Variants in METTL17 observed in about 807,000 individuals in gnomAD.
The protein encoded by METTL17 is methyltransferase like 17.
A neutral mutation model predicts 59.4 loss-of-function variants in METTL17; 49 were observed. That is an observed-to-expected ratio of 0.82 (90% CI 0.66 to 1.05). The LOEUF is 1.05. Ranked by LOEUF, METTL17 falls within the 50% of genes least tolerant of loss-of-function variation. The pLI, the probability that METTL17 is intolerant of heterozygous loss-of-function variation, is 0.00. For missense variants in METTL17, 555 were observed against 578.4 expected (o/e 0.96, Z 0.41); for synonymous variants, 208 against 209.2 (o/e 0.99, Z 0.05).
intron 3 of METTL17, among the ~76,000 whole-genome samples, chr14:20,991,365 C>T (rs1880019765): frequency 6.6e-6 from 1 of 152,100 alleles, no homozygotes; most frequent in African/African-American, 2.4e-5. Flanking sequence ...GTACCTGGCT[C>T]ACAGTAGTTC....
chr14:20,990,893 C>T (rs1356230479), intron 3 of METTL17, among the ~76,000 whole-genome samples: 1 of 152,038 alleles, frequency 6.6e-6, no homozygotes, highest in African/African-American at 2.4e-5. Flanking sequence ...GTGTAATGCT[C>T]GATCTCGGCT....
At chr14:20,992,358 A>T (rs182833555) in intron 4 of METTL17, 153 bp downstream of exon 4, 22 of 729,338 alleles carry the variant, frequency 3.0e-5, no homozygotes, top group Admixed American at 1.8e-4. Flanking sequence ...TAAAGTACAA[A>T]GTTTTGAACA....
At chr14:20,993,593 C>G (rs61073164) in intron 6 of METTL17, 2,368 of 221,918 alleles carry the variant, frequency 0.011, 32 homozygotes, top group African/African-American at 0.042. Context: ...TCCTGCCTCA[C>G]CCTCCCGAGT....
In METTL17 at chr14:20,990,826, G is replaced by GT. The variant is rs1879992251; in HGVS notation, c.364+232dup. 5.2e-6 allele frequency: 3 copies of GT among 573,790 alleles called. No homozygotes were observed. The African/African-American group carries it at 5.7e-5, about 11-fold the overall frequency. 35.5% of individuals were successfully genotyped at this position (573,790 alleles called of 1,614,324 possible). On this transcript the variant is annotated intron_variant, in intron 3 of 13. Transcript: ENST00000339374. ...TATACTGTTTTTTGTTTGTTTGTTTGTTTTGTTGTTTTGTTTTTGCTTTGA... is the reference window on the plus strand; with the variant it reads ...TATACTGTTTTTTGTTTGTTTGTTTGTTTTTGTTGTTTTGTTTTTGCTTTGA...
chr14:20,992,539 AG>A lies in METTL17; in HGVS notation c.447-1del. On this transcript the variant is annotated splice_acceptor_variant, in intron 4 of 13. Coordinates refer to ENST00000339374, the MANE Select transcript of METTL17 (RefSeq NM_022734.3). LOFTEE classifies it high-confidence loss of function. ...TGTACAACTCTGTGATTTTAATGGC[AG>A]CTACACTGAGGGACTGAGCCTGGTG... 1 of 1,612,258 alleles carries A rather than the reference AG, an allele frequency of 6.2e-7. No individual in the cohort carries two copies. Among genetic ancestry groups the A allele is most frequent in the Non-Finnish European group, 8.5e-7 (1 of 1,178,292 alleles).
At chr14:20,993,505 T>C (rs1566432536) in intron 6 of METTL17, 1 of 320,954 alleles carries the variant, frequency 3.1e-6, no homozygotes, top group Non-Finnish European at 5.7e-6. Context: ...AAACGGTGTC[T>C]CACTCTGTCG....
chr14:20,995,764 A>G (rs1017925503), intron 10 of METTL17, 137 bp from the exon 11 acceptor site: 95 of 671,056 alleles, frequency 1.4e-4, no homozygotes, highest in Non-Finnish European at 2.3e-4. Flanking sequence ...AGATGCAGCC[A>G]GCTTAATTCA....
At position 20,996,598 on chromosome 14, in the gene METTL17, C is replaced by T; in HGVS notation, c.1152C>T (p.Arg384=). 2 of 1,614,232 alleles carry T rather than the reference C, an allele frequency of 1.2e-6. No individual in the cohort carries two copies. Among genetic ancestry groups the T allele is most frequent in the Non-Finnish European group, 1.7e-6 (2 of 1,180,040 alleles). Residue 384 remains arginine, a synonymous_variant, in exon 13 of 14, where the codon CGC becomes CGT. Coordinates refer to ENST00000339374, the MANE Select transcript of METTL17 (RefSeq NM_022734.3). ...LARGSPEEAH[R]WPRITQPVLK... ...GGGGGTCTCCAGAGGAGGCTCATCGCTGGCCCCGTATCACTCAGCCTGTCC... is the reference window on the plus strand; with the variant it reads ...GGGGGTCTCCAGAGGAGGCTCATCGTTGGCCCCGTATCACTCAGCCTGTCC...
intron 4 of METTL17, 77 bp downstream of exon 4, chr14:20,992,282 A>G (rs2297720): frequency 1.1e-6 from 1 of 916,588 alleles, no homozygotes; most frequent in Admixed American, 2.3e-5. Flanking sequence ...ACAATTACAC[A>G]ATCAATTTAG....
Position 20,996,644 on chromosome 14 carries a change from C to A in METTL17, c.1198C>A (p.His400Asn). The change falls in exon 13 of 14, where the codon CAT (histidine) becomes AAT (asparagine). Residue 400 changes from histidine (H) to asparagine (N), a missense_variant. By Grantham distance (68) the His-to-Asn change is moderately conservative. Coordinates refer to ENST00000339374, the MANE Select transcript of METTL17 (RefSeq NM_022734.3). ...QPVLKRPRHV[H>N]CHLCCPDGHM... The stretch of plus-strand genomic sequence containing the variant: ...TGTCCTTAAACGGCCTCGCCATGTG[C>A]ATTGTCACTTGTGCTGTCCAGATGG... 3 of 1,614,270 alleles carry A rather than the reference C, an allele frequency of 1.9e-6. No homozygotes were observed. The highest frequency in any genetic ancestry group is 2.5e-6 in the Non-Finnish European group (3 of 1,180,056).
intron 12 of METTL17, 71 bp downstream of exon 12, chr14:20,996,363 A>T: frequency 6.5e-7 from 1 of 1,544,432 alleles, no homozygotes; most frequent in Middle Eastern, 1.7e-4. Flanking sequence ...AATCAGAGTT[A>T]GGAGGAGTTG....
At chr14:20,994,644 G>T (rs1404265288) in intron 8 of METTL17, 31 bp downstream of exon 8, 1 of 1,597,944 alleles carries the variant, frequency 6.3e-7, no homozygotes, top group Non-Finnish European at 8.6e-7. Context: ...TATTCTAAAT[G>T]TGGAATGTGG....
Position 20,993,099 on chromosome 14 carries a change from A to T in METTL17, c.529-19A>T. Reference sequence around the variant, plus strand: ...AAGTATCTAATTACCCTACTGTGGGATGTTGTATATTTCTTCAGATCCGGG... The same window carrying T: ...AAGTATCTAATTACCCTACTGTGGGTTGTTGTATATTTCTTCAGATCCGGG... On this transcript the variant is annotated intron_variant, in intron 5 of 13. Transcript: ENST00000339374. 3.1e-6 allele frequency: 5 copies of T among 1,610,570 alleles called. No individual in the cohort carries two copies. The highest frequency in any genetic ancestry group is 4.2e-6 in the Non-Finnish European group (5 of 1,176,832).
At chr14:20,995,261 C>CA (rs1476181077) in intron 10 of METTL17, 28 bp downstream of exon 10, 1 of 1,575,540 alleles carries the variant, frequency 6.3e-7, no homozygotes, top group Non-Finnish European at 8.7e-7. Flanking sequence ...CTCACTCCCC[C>CA]ACCCATATGG....
At chr14:20,992,946 G>A (rs1880119208) in intron 5 of METTL17, 172 bp from the exon 6 acceptor site, 3 of 636,254 alleles carry the variant, frequency 4.7e-6, no homozygotes, top group Admixed American at 2.8e-5. Flanking sequence ...TGTGACCCAA[G>A]AAAGGTTTAG....
intron 13 of METTL17, 31 bp from the exon 14 acceptor site, chr14:20,996,754 C>G: frequency 6.2e-7 from 1 of 1,614,224 alleles, no homozygotes; most frequent in Non-Finnish European, 8.5e-7. Context: ...TGGCAGGAAG[C>G]TGCAGCCCAC....
intron 11 of METTL17, 103 bp from the exon 12 acceptor site, chr14:20,996,106 G>T (rs1035167917): frequency 2.6e-5 from 34 of 1,295,048 alleles, no homozygotes; most frequent in Non-Finnish European, 3.8e-5. Context: ...CACTGCTCCT[G>T]TCCTCCCTTC....
rs750322796 is a variant in METTL17 at position 20,990,494 on chromosome 14, T to G, written c.260T>G (p.Val87Gly). 6.2e-6 allele frequency: 10 copies of G among 1,614,098 alleles called. No homozygotes were observed. The Middle Eastern group carries it at 4.9e-4, about 80-fold the overall frequency. ...GCTGGGCCCACTATGGAGAATCAGG[T>G]GCAAACACTGACCAGTTATCTCTGG... is the stretch of plus-strand genomic sequence containing the variant. ...GSAGPTMENQ[V>G]QTLTSYLWSR... The change falls in exon 3 of 14, where the codon GTG (valine) becomes GGG (glycine). Residue 87 changes from valine (V) to glycine (G), a missense_variant. Val to Gly is a moderately radical substitution (Grantham distance 109). Transcript: ENST00000339374.
At chr14:20,994,407 C>T (rs748590580) in intron 7 of METTL17, 136 bp from the exon 8 acceptor site, 23 of 775,406 alleles carry the variant, frequency 3.0e-5, no homozygotes, top group African/African-American at 1.0e-4. Context: ...AGGCACGCAC[C>T]GCCATACCTG....
Sources: allele counts gnomAD v4.1 joint callset (sites outside exome capture counted in the v4.1 genomes callset), GRCh38; gene constraint gnomAD v4.1.1; transcripts MANE v1.5; gene names NCBI Gene and HGNC (gene_info 2026-07-23, HGNC 2026-07-21).